ACACA: variants seen among roughly 807,000 people sequenced by gnomAD.
The protein encoded by ACACA is acetyl-CoA carboxylase alpha.
A neutral mutation model predicts 296.1 loss-of-function variants in ACACA; 103 were observed. That is an observed-to-expected ratio of 0.35 (90% CI 0.30 to 0.41). The LOEUF is 0.41. Ranked by LOEUF, ACACA falls within the 10% of genes least tolerant of loss-of-function variation. The pLI is 1.00. For missense variants in ACACA, 1,554 were observed against 2,989.7 expected (o/e 0.52, Z 11.20); for synonymous variants, 953 against 1,038.6 (o/e 0.92, Z 1.58).
chr17:37,350,051 T>A (rs2048824832), intron 1 of ACACA, among the ~76,000 whole-genome samples: 1 of 152,098 alleles, frequency 6.6e-6, no homozygotes, highest in East Asian at 1.9e-4. Flanking sequence ...TACAACAGGC[T>A]AGGCACAGTG....
chr17:37,380,001 A>G (rs1306930728), intron 1 of ACACA, among the ~76,000 whole-genome samples: 22 of 149,980 alleles, frequency 1.5e-4, no homozygotes, highest in South Asian at 4.3e-4. Context: ...CACTATTCAC[A>G]ATAGCAAAGA....
At chr17:37,114,639 C>T (rs1191606648) in intron 50 of ACACA, among the ~76,000 whole-genome samples, 1 of 151,794 alleles carries the variant, frequency 6.6e-6, no homozygotes, top group Non-Finnish European at 1.5e-5. Flanking sequence ...CCCTGGAAAA[C>T]TGGATCAGTT....
intron 3 of ACACA, among the ~76,000 whole-genome samples, chr17:37,323,260 A>C (rs1439528502): frequency 2.0e-5 from 3 of 152,272 alleles, no homozygotes; most frequent in African/African-American, 7.2e-5. Flanking sequence ...CCTGTGGTAC[A>C]TCCTGCAAGG....
chr17:37,330,086 G>A, intron 3 of ACACA, 87 bp downstream of exon 3: 11 of 1,535,870 alleles, frequency 7.2e-6, no homozygotes, highest in Non-Finnish European at 9.9e-6. Flanking sequence ...AGCAGTCTTA[G>A]CTGAAATCAT....
chr17:37,189,532 T>A (rs1188122527), intron 38 of ACACA, among the ~76,000 whole-genome samples: 1 of 152,122 alleles, frequency 6.6e-6, no homozygotes, highest in Non-Finnish European at 1.5e-5. Context: ...AAGCCAACAA[T>A]CTTTATGTAC....
chr17:37,371,199 C>T (rs528757166), intron 1 of ACACA, among the ~76,000 whole-genome samples: 1 of 151,738 alleles, frequency 6.6e-6, no homozygotes, highest in African/African-American at 2.4e-5. Context: ...CCTGCCTCAG[C>T]CCCCCGAGTA....
chr17:37,225,143 G>C, intron 26 of ACACA, 38 bp from the exon 27 acceptor site: 1 of 1,250,256 alleles, frequency 8.0e-7, no homozygotes, highest in Non-Finnish European at 1.2e-6. Flanking sequence ...ACATTCCTCG[G>C]AGTGATTATT....
At chr17:37,099,429 G>A (rs886824159) in intron 52 of ACACA, among the ~76,000 whole-genome samples, 2 of 152,094 alleles carry the variant, frequency 1.3e-5, no homozygotes, top group African/African-American at 4.8e-5. Context: ...GCATTCTAGT[G>A]TAGATCTGCC....
In ACACA at chr17:37,335,579, A is replaced by G. The variant is rs567037500; in HGVS notation, c.85+4225T>C. Among the ~76,000 whole-genome samples, 25 of 152,196 alleles carry G rather than the reference A, an allele frequency of 1.6e-4. No homozygotes were observed. The South Asian group carries it at 5.2e-3, about 32-fold the overall frequency. ...CCTATGCCCATCTACACTGAACAAG[A>G]TTTATACAATCATGTCATACCTAAG... On this transcript the variant is annotated intron_variant, in intron 2 of 55. Transcript: ENST00000616317.
At chr17:37,383,380 C>T (rs924706407) in intron 1 of ACACA, among the ~76,000 whole-genome samples, 3 of 152,118 alleles carry the variant, frequency 2.0e-5, no homozygotes, top group Non-Finnish European at 4.4e-5. Context: ...AGAAACTCTT[C>T]CTCTTTCCTT....
At chr17:37,283,978 C>T (rs914290154) in intron 4 of ACACA, among the ~76,000 whole-genome samples, 1 of 152,202 alleles carries the variant, frequency 6.6e-6, no homozygotes, top group Non-Finnish European at 1.5e-5. Context: ...GTCTCCTTAC[C>T]TATCTTGCAG....
At chr17:37,356,121 T>C (rs1444233487) in intron 1 of ACACA, among the ~76,000 whole-genome samples, 1 of 152,036 alleles carries the variant, frequency 6.6e-6, no homozygotes, top group Non-Finnish European at 1.5e-5. Context: ...TGAGCCGAGA[T>C]CGTGCCACTG....
chr17:37,290,547 C>A (rs148478691), intron 3 of ACACA, among the ~76,000 whole-genome samples: 310 of 152,232 alleles, frequency 2.0e-3, no homozygotes, highest in Non-Finnish European at 3.3e-3. Context: ...AGGTAACTTG[C>A]CCATGATCAT....
Position 37,102,956 on chromosome 17 carries a change from C to T in ACACA, c.6566-4972G>A, listed in dbSNP as rs188589798. Among the ~76,000 whole-genome samples, 453 of 152,226 alleles carry T rather than the reference C, an allele frequency of 3.0e-3. 3 individuals carry two copies. The South Asian group carries it at 0.033, about 11-fold the overall frequency. On this transcript the variant is annotated intron_variant, in intron 52 of 55. Transcript: ENST00000616317. ...TAATGCCTCTGATTATGGTTCAAGACCCACCTCAAAAAAGCATCAAAACAA... is the reference window on the plus strand; with the variant it reads ...TAATGCCTCTGATTATGGTTCAAGATCCACCTCAAAAAAGCATCAAAACAA...
In ACACA at chr17:37,086,298, G is replaced by A. The variant is rs1433733059; in HGVS notation, c.*1018C>T. 2.0e-5 allele frequency: 3 copies of A among 153,244 alleles called. No homozygotes were observed. The highest frequency in any genetic ancestry group is 7.2e-5 in the African/African-American group (3 of 41,498). 9.5% of individuals were successfully genotyped at this position (153,244 alleles called of 1,614,324 possible). A position where few individuals can be genotyped will look rare whatever the true frequency, so the allele number is the denominator to read the frequency against. Reference sequence around the variant, plus strand: ...AGTAATCCTGGAACTAGGGAAGAGTGAGTGTGGAGGCACCATTAACCTCTC... The same window carrying A: ...AGTAATCCTGGAACTAGGGAAGAGTAAGTGTGGAGGCACCATTAACCTCTC... On this transcript the variant is annotated 3_prime_UTR_variant, in exon 56 of 56. Transcript: ENST00000616317.
chr17:37,132,429 T>G (rs557718248), intron 45 of ACACA, among the ~76,000 whole-genome samples: 1 of 152,314 alleles, frequency 6.6e-6, no homozygotes, highest in East Asian at 1.9e-4. Flanking sequence ...TGGCTCTGGT[T>G]TTATGGTCGT....
chr17:37,089,447 T>TGTGATTGAGAAG (rs1365904866), intron 54 of ACACA, among the ~76,000 whole-genome samples: 2 of 152,188 alleles, frequency 1.3e-5, no homozygotes, highest in Non-Finnish European at 2.9e-5. Flanking sequence ...TTAGTAAAAT[T>TGTGATTGAGAAG]GTGATTGAGA....
intron 10 of ACACA, among the ~76,000 whole-genome samples, chr17:37,267,143 T>C (rs993898139): frequency 2.0e-5 from 3 of 152,240 alleles, no homozygotes; most frequent in African/African-American, 7.2e-5. Flanking sequence ...TGACTTGGTA[T>C]AGCAACCATT....
chr17:37,325,976 G>A lies in ACACA; in HGVS notation c.338+4197C>T, dbSNP rs557008143. On this transcript the variant is annotated intron_variant, in intron 3 of 55. Transcript: ENST00000616317. ...TAATCCTAGCACTTTGGAAGGCTGA[G>A]GCAGGTGGATTGCCTGAGATCAGGA... 5.9e-5 allele frequency among the ~76,000 whole-genome samples: 9 copies of A among 151,976 alleles called. No individual in the cohort carries two copies. The South Asian group carries it at 1.9e-3, about 32-fold the overall frequency.
Sources: allele counts gnomAD v4.1 joint callset (sites outside exome capture counted in the v4.1 genomes callset), GRCh38; gene constraint gnomAD v4.1.1; transcripts MANE v1.5; gene names NCBI Gene and HGNC (gene_info 2026-07-23, HGNC 2026-07-21).